DCAF6: variants seen among roughly 807,000 people sequenced by gnomAD.
DCAF6 encodes DDB1- and CUL4-associated factor 6.
Under a neutral mutation model 125.1 loss-of-function variants are expected in DCAF6, and 54 were observed. The ratio of observed to expected loss-of-function variants is 0.43; its 90% confidence interval spans 0.35 to 0.54. The LOEUF (loss-of-function observed/expected upper bound fraction) is 0.54. DCAF6 is among the 20% of genes least tolerant of loss of function. The pLI, the probability that DCAF6 is intolerant of heterozygous loss-of-function variation, is 0.01. For synonymous variants in DCAF6, 371 were observed against 390.4 expected (o/e 0.95, Z 0.58); for missense variants, 934 against 1,161.7 (o/e 0.80, Z 2.85).
At chr1:167,930,710 A>G in the DCAF6 span, among the ~76,000 whole-genome samples, 1 of 152,226 alleles carries the variant, frequency 6.6e-6, no homozygotes, top group Non-Finnish European at 1.5e-5. Context: ...CGACTAGAAC[A>G]CAGTTTCTTT....
intron 13 of DCAF6, among the ~76,000 whole-genome samples, chr1:168,039,278 G>A (rs1375199212): frequency 1.3e-5 from 2 of 151,804 alleles, no homozygotes; most frequent in East Asian, 1.9e-4. Flanking sequence ...CTCCAGGCTA[G>A]TGTTCAATAT....
At chr1:168,008,293 A>AT (rs1187707633) in intron 10 of DCAF6, among the ~76,000 whole-genome samples, 1 of 152,092 alleles carries the variant, frequency 6.6e-6, no homozygotes, top group Non-Finnish European at 1.5e-5. Flanking sequence ...ATAAATCTAC[A>AT]TGTTCAAACT....
the DCAF6 span, chr1:167,899,381 C>G: frequency 6.2e-7 from 1 of 1,600,242 alleles, no homozygotes. Flanking sequence ...GCCTCTGTTA[C>G]AGGCTGGCAG....
At chr1:168,030,783 A>T (rs1686984802) in intron 12 of DCAF6, among the ~76,000 whole-genome samples, 1 of 152,200 alleles carries the variant, frequency 6.6e-6, no homozygotes, top group South Asian at 2.1e-4. Context: ...CTTTTGTAAA[A>T]CAAATACACT....
At chr1:167,875,058 A>T in the DCAF6 span, 3 of 1,185,254 alleles carry the variant, frequency 2.5e-6, no homozygotes, top group South Asian at 3.6e-5. Flanking sequence ...CTGCACAGTT[A>T]TCATTGATGT....
intron 10 of DCAF6, among the ~76,000 whole-genome samples, chr1:168,009,364 TTCCTTCCTTCCTTCCTTCCTTC>T (rs1357263088): frequency 5.7e-5 from 8 of 140,340 alleles, no homozygotes; most frequent in African/African-American, 2.4e-4. Context: ...CCTTCCTTCC[TTCCTTCCTTCCTTCCTTCCTTC>T]CTTTCTTTCT....
intron 10 of DCAF6, among the ~76,000 whole-genome samples, chr1:168,006,699 C>A (rs189232076): frequency 1.4e-3 from 214 of 152,230 alleles, no homozygotes; most frequent in South Asian, 2.5e-3. Flanking sequence ...CAGCTTAGGA[C>A]CATGATTTCT....
At chr1:167,967,714 C>CTTTTTTTTTTTTTTTTT (rs552208317) in intron 3 of DCAF6, among the ~76,000 whole-genome samples, 12 of 74,578 alleles carry the variant, frequency 1.6e-4, no homozygotes, top group South Asian at 5.9e-4. Context: ...TTTCCTGTAT[C>CTTTTTTTTTTTTTTTTT]TTTTTTTTTT....
chr1:167,953,685 C>T (rs751309305), intron 2 of DCAF6, among the ~76,000 whole-genome samples: 5 of 152,194 alleles, frequency 3.3e-5, no homozygotes, highest in Middle Eastern at 3.4e-3. Context: ...CTGCAACCTC[C>T]GTCTCCCGGG....
the DCAF6 span, among the ~76,000 whole-genome samples, chr1:167,925,442 C>CGTGTATATATATATATATAT: frequency 1.2e-5 from 1 of 82,476 alleles, no homozygotes; most frequent in African/African-American, 5.1e-5. Flanking sequence ...TACATATACA[C>CGTGTATATATATATATATAT]ATATATATAT....
intron 19 of DCAF6, 113 bp downstream of exon 19, chr1:168,065,859 C>A: frequency 1.0e-6 from 1 of 993,706 alleles, no homozygotes; most frequent in Non-Finnish European, 1.4e-6. Flanking sequence ...AACTATCTGA[C>A]TAGGCAGCAG....
intron 12 of DCAF6, among the ~76,000 whole-genome samples, chr1:168,026,782 G>A (rs1204026472): frequency 6.6e-6 from 1 of 151,950 alleles, no homozygotes; most frequent in Non-Finnish European, 1.5e-5. Flanking sequence ...ATGGTTGGAT[G>A]GCTATATGAT....
chr1:167,896,254 A>C, the DCAF6 span, among the ~76,000 whole-genome samples: 156 of 152,362 alleles, frequency 1.0e-3, no homozygotes, highest in African/African-American at 3.6e-3. Context: ...AGGTATAAAT[A>C]CATTTACAGA....
the DCAF6 span, among the ~76,000 whole-genome samples, chr1:167,908,986 A>T: frequency 6.6e-6 from 1 of 152,244 alleles, no homozygotes; most frequent in Non-Finnish European, 1.5e-5. Context: ...AAGGTGAGCA[A>T]ATCCGTGTAA....
At chr1:168,072,294 T>TAAAAAAAAAAAAAAA (rs59674650) in intron 21 of DCAF6, among the ~76,000 whole-genome samples, 8 of 41,014 alleles carry the variant, frequency 2.0e-4, no homozygotes, top group African/African-American at 3.3e-4. Context: ...AGAATCAGTC[T>TAAAAAAAAAAAAAAA]AAAAAAAAAA....
chr1:167,977,302 T>G (rs909877318), intron 4 of DCAF6, among the ~76,000 whole-genome samples: 4 of 151,794 alleles, frequency 2.6e-5, no homozygotes, highest in Non-Finnish European at 4.4e-5. Context: ...TTCTTCCTTT[T>G]CTTTCCTTTG....
chr1:167,928,319 G>GAAA, the DCAF6 span, among the ~76,000 whole-genome samples: 4 of 91,500 alleles, frequency 4.4e-5, no homozygotes, highest in Non-Finnish European at 7.0e-5. Flanking sequence ...CTGCACTCCA[G>GAAA]AAAAAAAAAA....
chr1:168,071,590 C>A (rs757179631), intron 21 of DCAF6, among the ~76,000 whole-genome samples: 1 of 152,106 alleles, frequency 6.6e-6, no homozygotes, highest in Non-Finnish European at 1.5e-5. Flanking sequence ...GCCAAAATTG[C>A]GCCACTACAC....
chr1:167,934,500 A>G (rs1351817924), upstream of DCAF6, among the ~76,000 whole-genome samples: 1 of 152,234 alleles, frequency 6.6e-6, no homozygotes, highest in Non-Finnish European at 1.5e-5. Context: ...TAAATCAGTA[A>G]CAAACTGTCC....
Sources: allele counts gnomAD v4.1 joint callset (sites outside exome capture counted in the v4.1 genomes callset), GRCh38; gene constraint gnomAD v4.1.1; transcripts MANE v1.5; gene names NCBI Gene and HGNC (gene_info 2026-07-23, HGNC 2026-07-21).